Variants in ACER3 observed in about 807,000 individuals in gnomAD.
The protein encoded by ACER3 is alkCDase 3.
A neutral mutation model predicts 48.9 loss-of-function variants in ACER3; 16 were observed. The observed-to-expected ratio is 0.33, with a 90% confidence interval of 0.22 to 0.50. The LOEUF is 0.50. Among genes scored for constraint, ACER3 ranks in the 20% least tolerant of loss-of-function variants. The probability of loss-of-function intolerance (pLI) is 0.98; values close to 1 mark genes in which losing one functional copy is unlikely to be tolerated. For missense variants in ACER3, 227 were observed against 326.0 expected, an observed-to-expected ratio of 0.70 and a Z score of 2.34; for synonymous variants, 109 against 107.8, an observed-to-expected ratio of 1.01 and a Z score of -0.07.
intron 7 of ACER3, among the ~76,000 whole-genome samples, chr11:77,010,920 T>G (rs1949250077): frequency 6.6e-6 from 1 of 152,212 alleles, no homozygotes; most frequent in African/African-American, 2.4e-5. Flanking sequence ...TTTCATACAT[T>G]CCAAGATCTC....
At chr11:76,919,093 A>G (rs921952110) in intron 1 of ACER3, among the ~76,000 whole-genome samples, 2 of 152,208 alleles carry the variant, frequency 1.3e-5, no homozygotes, top group Admixed American at 1.3e-4. Context: ...AAGTGAAGCA[A>G]TATAGATCAC....
At chr11:76,945,003 CTTTTA>C (rs1189529112) in intron 2 of ACER3, among the ~76,000 whole-genome samples, 10 of 150,400 alleles carry the variant, frequency 6.6e-5, no homozygotes, top group African/African-American at 2.4e-4. Flanking sequence ...ATTATTGAAG[CTTTTA>C]AATGTATTTT....
rs527678936 is a variant in ACER3 at position 76,934,410 on chromosome 11, G to A, written c.214+7743G>A. Reference sequence around the variant, plus strand: ...CAGCCTGGGCACCATTGAGCACTGAGTGAACGAGACTCCGTCTGCAATCCC... The same window carrying A: ...CAGCCTGGGCACCATTGAGCACTGAATGAACGAGACTCCGTCTGCAATCCC... On this transcript the variant is annotated intron_variant, in intron 2 of 10. Transcript: ENST00000532485. Among the ~76,000 whole-genome samples the A allele has an allele frequency of 3.7e-3, 566 of 152,368 alleles. 4 individuals are homozygous for A. The highest frequency in any genetic ancestry group is 7.0e-3 in the Non-Finnish European group (474 of 68,034).
chr11:76,931,721 A>G (rs905808643), intron 2 of ACER3, among the ~76,000 whole-genome samples: 8 of 151,994 alleles, frequency 5.3e-5, no homozygotes, highest in Admixed American at 5.2e-4. Flanking sequence ...TCCTTCACTT[A>G]TGAAGCTTAG....
intron 3 of ACER3, among the ~76,000 whole-genome samples, chr11:76,967,253 A>G (rs1433807680): frequency 2.0e-5 from 3 of 152,186 alleles, no homozygotes; most frequent in African/African-American, 7.2e-5. Context: ...CCAAGACTAA[A>G]CCAGGAAGAA....
intron 1 of ACER3, among the ~76,000 whole-genome samples, chr11:76,920,089 T>C (rs972055469): frequency 2.0e-5 from 3 of 152,208 alleles, no homozygotes; most frequent in African/African-American, 7.2e-5. Context: ...TTCCTGGTTC[T>C]GGTGTGCTGG....
chr11:76,932,695 A>G (rs1414584797), intron 2 of ACER3, among the ~76,000 whole-genome samples: 1 of 152,192 alleles, frequency 6.6e-6, no homozygotes, highest in Non-Finnish European at 1.5e-5. Context: ...ACTACGTGCA[A>G]CCCACACTTT....
At chr11:77,000,058 T>C (rs1444046874) in intron 7 of ACER3, among the ~76,000 whole-genome samples, 1 of 152,194 alleles carries the variant, frequency 6.6e-6, no homozygotes, top group Non-Finnish European at 1.5e-5. Context: ...AGCTCCACCA[T>C]TTTTACATTC....
intron 1 of ACER3, among the ~76,000 whole-genome samples, chr11:76,907,725 G>T (rs1477780459): frequency 1.3e-5 from 2 of 151,860 alleles, no homozygotes; most frequent in Non-Finnish European, 2.9e-5. Flanking sequence ...ACAAAAATTA[G>T]CCGGGCATGG....
chr11:76,926,517 T>C (rs1266073742), intron 1 of ACER3, 40 bp from the exon 2 acceptor site: 1 of 1,238,176 alleles, frequency 8.1e-7, no homozygotes, highest in Non-Finnish European at 1.2e-6. Context: ...TAAAGTGTTA[T>C]TGATTAACCT....
intron 1 of ACER3, among the ~76,000 whole-genome samples, chr11:76,918,824 G>T (rs967673750): frequency 5.9e-5 from 9 of 152,148 alleles, no homozygotes; most frequent in Admixed American, 4.6e-4. Context: ...CAGCTAGAAG[G>T]TGGTAGTAGA....
intron 1 of ACER3, among the ~76,000 whole-genome samples, chr11:76,900,054 T>C (rs916574172): frequency 3.9e-5 from 6 of 152,202 alleles, no homozygotes; most frequent in African/African-American, 1.4e-4. Context: ...CAGGGCCAGG[T>C]GCAGTAGCTC....
intron 1 of ACER3, among the ~76,000 whole-genome samples, chr11:76,907,955 G>A (rs1408467968): frequency 1.3e-5 from 2 of 152,102 alleles, no homozygotes; most frequent in African/African-American, 2.4e-5. Flanking sequence ...TATAATTTTT[G>A]CCGGGCACAG....
At chr11:77,017,045 G>A (rs1949384857) in intron 9 of ACER3, among the ~76,000 whole-genome samples, 1 of 152,036 alleles carries the variant, frequency 6.6e-6, no homozygotes, top group South Asian at 2.1e-4. Context: ...AGAAATTAAT[G>A]TCACATTTAA....
intron 7 of ACER3, 23 bp from the exon 8 acceptor site, chr11:77,014,993 C>A: frequency 7.1e-7 from 1 of 1,405,834 alleles, no homozygotes; most frequent in Non-Finnish European, 1.0e-6. Context: ...TTTTATTTTG[C>A]TTTTCTGTTT....
At chr11:77,014,726 A>T (rs997886729) in intron 7 of ACER3, among the ~76,000 whole-genome samples, 12 of 152,330 alleles carry the variant, frequency 7.9e-5, no homozygotes, top group African/African-American at 2.9e-4. Flanking sequence ...CTTTTACTAT[A>T]AACAAAAACT....
chr11:76,960,972 A>G (rs577076000), intron 3 of ACER3, among the ~76,000 whole-genome samples: 1 of 152,210 alleles, frequency 6.6e-6, no homozygotes, highest in African/African-American at 2.4e-5. Flanking sequence ...AGTGACTTCT[A>G]CATGGCAGAG....
intron 1 of ACER3, chr11:76,868,082 A>G: frequency 3.9e-6 from 5 of 1,287,640 alleles, no homozygotes; most frequent in Non-Finnish European, 5.1e-6. Flanking sequence ...GACTGCTTGT[A>G]GCCCTTTGCT....
intron 7 of ACER3, among the ~76,000 whole-genome samples, chr11:77,010,010 T>C (rs560353377): frequency 6.6e-6 from 1 of 152,100 alleles, no homozygotes; most frequent in East Asian, 1.9e-4. Flanking sequence ...AAGAGGTATA[T>C]TGTCAGTGAA....
Sources: gnomAD v4.1 joint callset for allele counts (sites outside exome capture counted in the v4.1 genomes callset) on GRCh38, gnomAD v4.1.1 for gene constraint, MANE v1.5 for transcripts, NCBI Gene and HGNC (gene_info 2026-07-23, HGNC 2026-07-21) for gene names.